The following CACNG2 variants were observed in gnomAD, a reference collection of about 807,000 sequenced individuals.
CACNG2 encodes the protein voltage-dependent calcium channel gamma-2 subunit.
Under a neutral mutation model 25.9 loss-of-function variants are expected in CACNG2, and 3 were observed. The ratio of observed to expected loss-of-function variants is 0.12; its 90% CI spans 0.05 to 0.30. CACNG2 has a LOEUF of 0.30. Ranked by LOEUF, CACNG2 falls within the 10% of genes least tolerant of loss-of-function variation. CACNG2 has a pLI of 1.00. For synonymous variants in CACNG2, 167 were observed against 173.3 expected, an observed-to-expected ratio of 0.96 and a Z score of 0.29; for missense variants, 341 against 432.5, an observed-to-expected ratio of 0.79 and a Z score of 1.88.
chr22:36,671,198 T>C (rs551851558), intron 1 of CACNG2, among the ~76,000 whole-genome samples: 1 of 152,342 alleles, frequency 6.6e-6, no homozygotes, highest in South Asian at 2.1e-4. Flanking sequence ...ATTACAGGCG[T>C]GAGCCACTGC....
chr22:36,655,655 T>C (rs1440795867), intron 1 of CACNG2, among the ~76,000 whole-genome samples: 1 of 150,196 alleles, frequency 6.7e-6, no homozygotes, highest in African/African-American at 2.5e-5. Context: ...CTTAAGACTT[T>C]CTTTCTTTTC....
At chr22:36,652,666 A>T (rs573387287) in intron 1 of CACNG2, among the ~76,000 whole-genome samples, 2 of 152,248 alleles carry the variant, frequency 1.3e-5, no homozygotes, top group Admixed American at 6.5e-5. Context: ...TCTTTTGCCC[A>T]TGACACTGTA....
intron 1 of CACNG2, among the ~76,000 whole-genome samples, chr22:36,640,455 C>G (rs1936425801): frequency 6.6e-6 from 1 of 152,228 alleles, no homozygotes; most frequent in South Asian, 2.1e-4. Context: ...CGCATGGTCA[C>G]AGGAAGCTTG....
chr22:36,613,737 C>T (rs959896008), intron 1 of CACNG2, among the ~76,000 whole-genome samples: 2 of 152,020 alleles, frequency 1.3e-5, no homozygotes, highest in Non-Finnish European at 1.5e-5. Flanking sequence ...GTTCTTGGTG[C>T]GCTGGCTGTC....
intron 2 of CACNG2, among the ~76,000 whole-genome samples, chr22:36,567,250 A>G (rs1935141462): frequency 6.6e-6 from 1 of 152,240 alleles, no homozygotes; most frequent in Non-Finnish European, 1.5e-5. Flanking sequence ...TCTATAATAA[A>G]CATTCAATGC....
chr22:36,619,147 G>A (rs5756267), intron 1 of CACNG2, among the ~76,000 whole-genome samples: 13,276 of 152,108 alleles, frequency 0.087, 799 homozygotes, highest in East Asian at 0.23. Flanking sequence ...GCCCAAGATC[G>A]CAGTGTTTCT....
chr22:36,647,701 G>C (rs1385556907), intron 1 of CACNG2, among the ~76,000 whole-genome samples: 1 of 152,156 alleles, frequency 6.6e-6, no homozygotes, highest in Non-Finnish European at 1.5e-5. Flanking sequence ...CCCACCTCAG[G>C]ACTTTGCACA....
intron 1 of CACNG2, among the ~76,000 whole-genome samples, chr22:36,612,528 C>T (rs192921303): frequency 1.6e-4 from 25 of 152,286 alleles, no homozygotes; most frequent in Non-Finnish European, 2.8e-4. Flanking sequence ...CAATATCTTC[C>T]GTACATTCAT....
chr22:36,644,151 G>A, intron 1 of CACNG2, among the ~76,000 whole-genome samples: 1 of 152,182 alleles, frequency 6.6e-6, no homozygotes, highest in East Asian at 1.9e-4. Flanking sequence ...TAAGTATAAA[G>A]CTCATCTGCT....
At chr22:36,634,239 T>C (rs1376479793) in intron 1 of CACNG2, among the ~76,000 whole-genome samples, 1 of 152,206 alleles carries the variant, frequency 6.6e-6, no homozygotes, top group East Asian at 1.9e-4. Flanking sequence ...TGGTTAGGTG[T>C]GACCACAGGC....
At chr22:36,682,501 C>G (rs1354291204) in intron 1 of CACNG2, among the ~76,000 whole-genome samples, 1 of 124,776 alleles carries the variant, frequency 8.0e-6, no homozygotes, top group Admixed American at 9.4e-5. Flanking sequence ...CCCCACCCCA[C>G]TCCCGACTTC....
chr22:36,624,732 C>G (rs1936157342), intron 1 of CACNG2, among the ~76,000 whole-genome samples: 1 of 152,162 alleles, frequency 6.6e-6, no homozygotes, highest in South Asian at 2.1e-4. Context: ...CCCTCTTGAT[C>G]AAGAACCACA....
At chr22:36,566,720 C>A (rs904223778) in intron 2 of CACNG2, among the ~76,000 whole-genome samples, 1 of 152,218 alleles carries the variant, frequency 6.6e-6, no homozygotes, top group Non-Finnish European at 1.5e-5. Context: ...CTCCAGCACA[C>A]CGTCAGGCAC....
At chr22:36,583,675 A>G (rs1388877728) in intron 2 of CACNG2, among the ~76,000 whole-genome samples, 4 of 152,080 alleles carry the variant, frequency 2.6e-5, no homozygotes, top group African/African-American at 7.2e-5. Context: ...TCTGTCTCCC[A>G]AACATCTCCT....
chr22:36,652,899 G>C (rs963143743), intron 1 of CACNG2, among the ~76,000 whole-genome samples: 1 of 152,296 alleles, frequency 6.6e-6, no homozygotes, highest in East Asian at 1.9e-4. Context: ...AATGGCATTA[G>C]GACTGTAGGG....
rs34178354 is a variant in CACNG2, at chr22:36,606,757, CGTGTGT to C, written c.212-19215_212-19210del. Among the ~76,000 whole-genome samples, 4 of 147,964 alleles carry C rather than the reference CGTGTGT, an allele frequency of 2.7e-5. No homozygotes were observed. Among genetic ancestry groups the C allele is most frequent in the South Asian group, 2.2e-4 (1 of 4,580 alleles). On this transcript the variant is annotated intron_variant, in intron 1 of 3. Transcript: ENST00000300105. The surrounding 1 kb of genome is among the most constrained non-coding windows in gnomAD (Gnocchi z 5.7). ...ACGGAAACCAGACGGTTGGGCTGTGCGTGTGTGTGTGTGTGTGTGTGTATGTGTTTG... is the reference window on the plus strand; with the variant it reads ...ACGGAAACCAGACGGTTGGGCTGTGCGTGTGTGTGTGTGTGTATGTGTTTG...
chr22:36,667,868 T>C (rs1936895441), intron 1 of CACNG2, among the ~76,000 whole-genome samples: 1 of 152,184 alleles, frequency 6.6e-6, no homozygotes, highest in Non-Finnish European at 1.5e-5. Context: ...GGTTTTTCGC[T>C]TTGCCAGACT....
chr22:36,680,086 G>T (rs200110184), intron 1 of CACNG2, among the ~76,000 whole-genome samples: 6 of 47,356 alleles, frequency 1.3e-4, no homozygotes, highest in Non-Finnish European at 2.7e-4. Context: ...CACCATCACC[G>T]CCACCTTCAG....
At chr22:36,650,447 T>C (rs7292489) in intron 1 of CACNG2, among the ~76,000 whole-genome samples, 2,707 of 152,176 alleles carry the variant, frequency 0.018, 78 homozygotes, top group African/African-American at 0.061. Context: ...CCCAGCTCAC[T>C]GTAGCCTCGA....
Sources: gnomAD v4.1 joint callset for allele counts (sites outside exome capture counted in the v4.1 genomes callset) on GRCh38, gnomAD v4.1.1 for gene constraint, Gnocchi (gnomAD v3.1) non-coding constraint, MANE v1.5 for transcripts, NCBI Gene and HGNC (gene_info 2026-07-23, HGNC 2026-07-21) for gene names.